Variants in MSH3 observed in about 807,000 individuals in gnomAD.
The protein encoded by MSH3 is DNA mismatch repair protein Msh3.
In MSH3, 106 loss-of-function variants were observed where a neutral mutation model predicts 123.3. The observed-to-expected ratio is 0.86, with a 90% CI of 0.73 to 1.01. MSH3 has a LOEUF of 1.01. Ranked by LOEUF, MSH3 falls within the 50% of genes least tolerant of loss-of-function variation. The pLI, the probability that MSH3 is intolerant of heterozygous loss-of-function variation, is 0.00. For synonymous variants in MSH3, 515 were observed against 481.4 expected (o/e 1.07, Z -0.91); for missense variants, 1,459 against 1,347.6 (o/e 1.08, Z -1.29).
chr5:80,723,094 AAAATAAAT>A (rs57338891), intron 8 of MSH3, among the ~76,000 whole-genome samples: 15,682 of 144,448 alleles, frequency 0.11, 1,041 homozygotes, highest in East Asian at 0.27. Context: ...ACTCTGTCTA[AAAATAAAT>A]AAATAAATAA....
chr5:80,769,165 T>C (rs1744174526), intron 15 of MSH3, among the ~76,000 whole-genome samples, 162 bp downstream of exon 15: 1 of 152,146 alleles, frequency 6.6e-6, no homozygotes, highest in African/African-American at 2.4e-5. Flanking sequence ...ATAAGAGTTA[T>C]TTTAATGATA....
intron 21 of MSH3, among the ~76,000 whole-genome samples, chr5:80,854,889 C>G (rs1181300808): frequency 6.6e-6 from 1 of 152,160 alleles, no homozygotes; most frequent in Non-Finnish European, 1.5e-5. Flanking sequence ...TACCATCCAT[C>G]TACAGCCAAA....
At chr5:80,727,973 G>T (rs1743333975) in intron 9 of MSH3, among the ~76,000 whole-genome samples, 1 of 152,130 alleles carries the variant, frequency 6.6e-6, no homozygotes, top group Non-Finnish European at 1.5e-5. Context: ...ACAACAGTAA[G>T]TACAAAATAT....
chr5:80,726,229 T>C (rs1743300765), intron 9 of MSH3, among the ~76,000 whole-genome samples: 1 of 152,218 alleles, frequency 6.6e-6, no homozygotes, highest in Non-Finnish European at 1.5e-5. Context: ...GTGAGGTGAA[T>C]AGACATTTTC....
At position 80,876,054 on chromosome 5, in the gene MSH3, C is replaced by T. The variant is rs1746303615; in HGVS notation, c.*192C>T. 9 of 589,100 alleles carry T rather than the reference C, an allele frequency of 1.5e-5. No homozygotes were observed. The highest frequency in any genetic ancestry group is 3.7e-5 in the African/African-American group (2 of 53,656). 36.5% of individuals were successfully genotyped at this position (589,100 alleles called of 1,614,324 possible). A position where few individuals can be genotyped will look rare whatever the true frequency, so the allele number is the denominator to read the frequency against. ...AGTTTCTGTCTTCCTAACTTTTCTA[C>T]GTATAAACACTCTTGAATAGACTTC... On this transcript the variant is annotated 3_prime_UTR_variant, in exon 24 of 24. Transcript: ENST00000265081.
In MSH3 at chr5:80,808,474, T is replaced by A. The variant is rs185465067; in HGVS notation, c.2656-5110T>A. Among the ~76,000 whole-genome samples the A allele has an allele frequency of 1.5e-3, 227 of 152,272 alleles. 2 individuals are homozygous for A. Among genetic ancestry groups the A allele is most frequent in the South Asian group, 4.1e-3 (20 of 4,822 alleles). Reference sequence around the variant, plus strand: ...AGCCTTGACCTGGTTGAAGAAGTTGTCTAAGGGTCATTTTGTTCTCTCACT... The same window carrying A: ...AGCCTTGACCTGGTTGAAGAAGTTGACTAAGGGTCATTTTGTTCTCTCACT... On this transcript the variant is annotated intron_variant, in intron 19 of 23. Coordinates refer to ENST00000265081, the MANE Select transcript of MSH3 (RefSeq NM_002439.5).
intron 20 of MSH3, among the ~76,000 whole-genome samples, chr5:80,815,581 C>T (rs1212741831): frequency 6.6e-6 from 1 of 152,054 alleles, no homozygotes; most frequent in Admixed American, 6.6e-5. Context: ...CTGGCCTTTC[C>T]CTCAGAGTTG....
chr5:80,813,771 T>C (rs746249985), intron 20 of MSH3, 30 bp downstream of exon 20: 1 of 1,612,788 alleles, frequency 6.2e-7, no homozygotes. Flanking sequence ...TTGCATATAT[T>C]CTTGAAAATA....
In MSH3 at chr5:80,779,144, C is replaced by G. The variant is rs1319401302; in HGVS notation, c.2435+308C>G. Among the ~76,000 whole-genome samples, 6 of 151,964 alleles carry G rather than the reference C, an allele frequency of 3.9e-5. 1 individual carries two copies. Among genetic ancestry groups the G allele is most frequent in the Non-Finnish European group, 8.8e-5 (6 of 67,978 alleles). Reference sequence around the variant, plus strand: ...AGTAGCTGGGATTACAGGCACCCACCACTACACCCAGCTAATTTTTGTATT... The same window carrying G: ...AGTAGCTGGGATTACAGGCACCCACGACTACACCCAGCTAATTTTTGTATT... On this transcript the variant is annotated intron_variant, in intron 17 of 23. Transcript: ENST00000265081.
chr5:80,765,569 C>T (rs1744108207), intron 13 of MSH3, among the ~76,000 whole-genome samples: 1 of 152,070 alleles, frequency 6.6e-6, no homozygotes, highest in Admixed American at 6.6e-5. Flanking sequence ...CTATTATGTG[C>T]CTTATTACTT....
chr5:80,864,106 G>A (rs185630719), intron 21 of MSH3, among the ~76,000 whole-genome samples: 305 of 152,144 alleles, frequency 2.0e-3, no homozygotes, highest in African/African-American at 7.1e-3. Flanking sequence ...ATGTTGTGCC[G>A]GAGTCATATT....
At chr5:80,846,751 G>A (rs373117021) in intron 20 of MSH3, among the ~76,000 whole-genome samples, 12 of 152,232 alleles carry the variant, frequency 7.9e-5, no homozygotes, top group Non-Finnish European at 1.2e-4. Flanking sequence ...CTGGTCTGCC[G>A]GTTGCAAAGA....
intron 19 of MSH3, among the ~76,000 whole-genome samples, chr5:80,809,671 G>A (rs910359683): frequency 5.1e-4 from 78 of 152,060 alleles, no homozygotes; most frequent in African/African-American, 1.9e-3. Flanking sequence ...CTTCTGTGCG[G>A]TATTCTCTCT....
chr5:80,706,323 C>T (rs951116191), intron 8 of MSH3, among the ~76,000 whole-genome samples: 4 of 152,260 alleles, frequency 2.6e-5, no homozygotes, highest in Admixed American at 2.0e-4. Flanking sequence ...GATTTTGTGT[C>T]AGTGGCTGAC....
At chr5:80,707,775 G>A (rs1750756672) in intron 8 of MSH3, among the ~76,000 whole-genome samples, 1 of 152,176 alleles carries the variant, frequency 6.6e-6, no homozygotes, top group South Asian at 2.1e-4. Context: ...AGGTTTTGGA[G>A]TAGTAGTTAA....
Position 80,807,581 on chromosome 5 carries a change from ATTTG to A in MSH3, c.2656-5999_2656-5996del, listed in dbSNP as rs924802721. On this transcript the variant is annotated intron_variant, in intron 19 of 23. Transcript: ENST00000265081. ...CAAAAACGAGTAATACGTGCGGCAG[ATTTG>A]TTTATCACTTTTGTGTTACATCAGT... Among the ~76,000 whole-genome samples, 10 of 152,350 alleles carry A rather than the reference ATTTG, an allele frequency of 6.6e-5. No individual in the cohort carries two copies. In the East Asian group the frequency reaches 7.7e-4, roughly 12 times the overall value.
At chr5:80,799,482 C>G (rs1444510071) in intron 19 of MSH3, among the ~76,000 whole-genome samples, 1 of 127,030 alleles carries the variant, frequency 7.9e-6, no homozygotes, top group South Asian at 2.7e-4. Flanking sequence ...ATATTTATAC[C>G]TGTCAAGGAA....
At chr5:80,840,819 C>T (rs147018840) in intron 20 of MSH3, among the ~76,000 whole-genome samples, 2,134 of 151,948 alleles carry the variant, frequency 0.014, 46 homozygotes, top group African/African-American at 0.05. Flanking sequence ...TGTTCAACAC[C>T]CACCTATGAG....
At chr5:80,846,427 G>T (rs923728532) in intron 20 of MSH3, among the ~76,000 whole-genome samples, 6 of 152,074 alleles carry the variant, frequency 3.9e-5, no homozygotes, top group Non-Finnish European at 8.8e-5. Context: ...GAGAACCGCT[G>T]CTGTCTTCAT....
Sources: allele counts gnomAD v4.1 joint callset (sites outside exome capture counted in the v4.1 genomes callset), GRCh38; gene constraint gnomAD v4.1.1; transcripts MANE v1.5; gene names NCBI Gene and HGNC (gene_info 2026-07-23, HGNC 2026-07-21).